The following SYT1 variants were observed in gnomAD, a reference collection of about 807,000 sequenced individuals.
The protein encoded by SYT1 is synaptotagmin 1.
Under a neutral mutation model 44.8 loss-of-function variants are expected in SYT1, and 8 were observed. The ratio of observed to expected loss-of-function variants is 0.18; its 90% confidence interval spans 0.10 to 0.32. The LOEUF is 0.32. SYT1 is among the 10% of genes least tolerant of loss of function. SYT1 has a pLI of 1.00. For missense variants in SYT1, 286 were observed against 509.3 expected (o/e 0.56, Z 4.22); for synonymous variants, 154 against 188.8 (o/e 0.82, Z 1.51).
At chr12:79,291,335 CTT>C (rs1879570766) in intron 5 of SYT1, among the ~76,000 whole-genome samples, 1 of 152,186 alleles carries the variant, frequency 6.6e-6, no homozygotes, top group Non-Finnish European at 1.5e-5. Flanking sequence ...CAAACAGACT[CTT>C]AATCAATTTA....
At chr12:78,898,192 T>C (rs1162421924) in intron 1 of SYT1, among the ~76,000 whole-genome samples, 1 of 152,048 alleles carries the variant, frequency 6.6e-6, no homozygotes, top group African/African-American at 2.4e-5. Flanking sequence ...ATCTGTAAAA[T>C]TGGAATAAGA....
chr12:79,181,331 C>G (rs1872530638), intron 3 of SYT1, among the ~76,000 whole-genome samples: 1 of 151,946 alleles, frequency 6.6e-6, no homozygotes, highest in Admixed American at 6.6e-5. Flanking sequence ...TCATTCATAA[C>G]ATAGAAATTT....
At chr12:79,351,766 T>C (rs1565921442) in intron 8 of SYT1, among the ~76,000 whole-genome samples, 1 of 152,178 alleles carries the variant, frequency 6.6e-6, no homozygotes, top group African/African-American at 2.4e-5. Flanking sequence ...ATCAGGTGAA[T>C]TCAGCACATT....
At chr12:79,179,309 T>TATATAGATATAG (rs1410737065) in intron 3 of SYT1, among the ~76,000 whole-genome samples, 20 of 53,632 alleles carry the variant, frequency 3.7e-4, no homozygotes, top group Admixed American at 1.2e-3. Context: ...TAGATATATC[T>TATATAGATATAG]ATATAGATAT....
At chr12:79,104,996 A>G (rs1468442037) in intron 3 of SYT1, among the ~76,000 whole-genome samples, 5 of 152,186 alleles carry the variant, frequency 3.3e-5, no homozygotes, top group Non-Finnish European at 7.4e-5. Context: ...GGTGGGACAG[A>G]ATGAGGTCAG....
chr12:79,044,734 C>G (rs1171879745), intron 2 of SYT1, among the ~76,000 whole-genome samples: 10 of 149,428 alleles, frequency 6.7e-5, no homozygotes, highest in South Asian at 2.2e-4. Flanking sequence ...TTTTTCTGTT[C>G]TGTTTTTTCC....
intron 4 of SYT1, among the ~76,000 whole-genome samples, chr12:79,239,170 A>G (rs1373502823): frequency 6.6e-6 from 1 of 152,204 alleles, no homozygotes; most frequent in Non-Finnish European, 1.5e-5. Flanking sequence ...TGACTTGTAG[A>G]GATATCTTAG....
At chr12:79,242,346 T>C (rs1435672522) in intron 4 of SYT1, among the ~76,000 whole-genome samples, 5 of 152,168 alleles carry the variant, frequency 3.3e-5, no homozygotes, top group Non-Finnish European at 7.3e-5. Context: ...CATCTACTTA[T>C]CATCTTCTCT....
intron 3 of SYT1, among the ~76,000 whole-genome samples, chr12:79,203,083 A>G (rs1345525983): frequency 3.0e-5 from 2 of 67,492 alleles, no homozygotes; most frequent in Non-Finnish European, 5.6e-5. Flanking sequence ...TAATAAGCCT[A>G]TGGAAAAAAA....
At chr12:79,186,101 C>G (rs1022557632) in intron 3 of SYT1, among the ~76,000 whole-genome samples, 2 of 151,906 alleles carry the variant, frequency 1.3e-5, no homozygotes, top group Non-Finnish European at 2.9e-5. Context: ...TCTTCTAAAA[C>G]TTTCCTCTCA....
chr12:78,946,701 G>GA (rs1020658545), intron 1 of SYT1, among the ~76,000 whole-genome samples: 50 of 146,202 alleles, frequency 3.4e-4, no homozygotes, highest in Admixed American at 4.1e-4. Context: ...TCAAAAAAAA[G>GA]AAAAAAAAAG....
At chr12:79,240,606 T>C (rs540154136) in intron 4 of SYT1, among the ~76,000 whole-genome samples, 69 of 152,306 alleles carry the variant, frequency 4.5e-4, no homozygotes, top group African/African-American at 1.7e-3. Context: ...TTCCAATCTA[T>C]GAAAACAACA....
At chr12:79,008,748 C>T (rs1223444779) in intron 2 of SYT1, among the ~76,000 whole-genome samples, 1 of 152,090 alleles carries the variant, frequency 6.6e-6, no homozygotes, top group Non-Finnish European at 1.5e-5. Flanking sequence ...TCTCAGCCAC[C>T]TCCCTTTGCT....
chr12:79,010,327 T>C (rs564585502), intron 2 of SYT1, among the ~76,000 whole-genome samples: 2 of 152,264 alleles, frequency 1.3e-5, no homozygotes, highest in South Asian at 4.1e-4. Context: ...GTCTCACATG[T>C]ATCTATCACA....
chr12:79,104,016 A>G (rs1240595649), intron 3 of SYT1, among the ~76,000 whole-genome samples: 1 of 152,188 alleles, frequency 6.6e-6, no homozygotes, highest in East Asian at 1.9e-4. Context: ...ATTATACTAA[A>G]AATAGCTGCA....
At chr12:79,413,857 A>T (rs1187591451) in intron 9 of SYT1, among the ~76,000 whole-genome samples, 2 of 152,346 alleles carry the variant, frequency 1.3e-5, no homozygotes, top group African/African-American at 4.8e-5. Flanking sequence ...GGAAGAAAAA[A>T]ATAATCCTCT....
chr12:79,256,580 T>C (rs1248179883), intron 4 of SYT1, among the ~76,000 whole-genome samples: 1 of 151,558 alleles, frequency 6.6e-6, no homozygotes, highest in Non-Finnish European at 1.5e-5. Flanking sequence ...GATAGAAACA[T>C]GTATTTTCTC....
intron 9 of SYT1, among the ~76,000 whole-genome samples, chr12:79,402,670 T>G (rs1181266847): frequency 3.9e-5 from 6 of 152,128 alleles, no homozygotes; most frequent in Admixed American, 1.3e-4. Context: ...GCCGTTTTGA[T>G]GTAGAGATCT....
intron 1 of SYT1, among the ~76,000 whole-genome samples, chr12:78,938,726 T>G (rs943064025): frequency 5.9e-5 from 9 of 152,200 alleles, no homozygotes; most frequent in African/African-American, 2.2e-4. Flanking sequence ...TGAAATAAGT[T>G]GACAGATTGG....
Sources: allele counts gnomAD v4.1 joint callset (sites outside exome capture counted in the v4.1 genomes callset), GRCh38; gene constraint gnomAD v4.1.1; transcripts MANE v1.5; gene names NCBI Gene and HGNC (gene_info 2026-07-23, HGNC 2026-07-21).